B4GALT1: variants seen among roughly 807,000 people sequenced by gnomAD.
B4GALT1 encodes beta-1,4-galactosyltransferase 1.
B4GALT1 carries 16 observed loss-of-function variants against 34.9 expected under a neutral mutation model. The ratio of observed to expected loss-of-function variants is 0.46; its 90% confidence interval spans 0.31 to 0.70. B4GALT1 has a LOEUF of 0.70. Among genes scored for constraint, B4GALT1 ranks in the 30% least tolerant of loss-of-function variants. The pLI, the probability that B4GALT1 is intolerant of heterozygous loss-of-function variation, is 0.05. For missense variants in B4GALT1, 445 were observed against 530.5 expected, an observed-to-expected ratio of 0.84 and a Z score of 1.58; for synonymous variants, 221 against 218.1, an observed-to-expected ratio of 1.01 and a Z score of -0.12.
At chr9:33,160,247 A>AC (rs528219806) in intron 1 of B4GALT1, among the ~76,000 whole-genome samples, 208 of 149,810 alleles carry the variant, frequency 1.4e-3, no homozygotes, top group African/African-American at 4.9e-3. Flanking sequence ...CACAAGCATC[A>AC]CTACATCACT....
chr9:33,127,353 C>T (rs1840128092), intron 2 of B4GALT1, among the ~76,000 whole-genome samples: 1 of 152,226 alleles, frequency 6.6e-6, no homozygotes, highest in Non-Finnish European at 1.5e-5. Flanking sequence ...GGAGACGTGG[C>T]TTTCCGCAGA....
At chr9:33,180,286 G>T in the B4GALT1 span, among the ~76,000 whole-genome samples, 5 of 152,198 alleles carry the variant, frequency 3.3e-5, no homozygotes, top group Non-Finnish European at 4.4e-5. Context: ...GACTACCTGG[G>T]CATTTAGTAG....
rs780658900 is a variant in B4GALT1 at position 33,166,908 on chromosome 9, G to C, written c.262C>G (p.Leu88Val). 2 of 1,578,946 alleles carry C rather than the reference G, an allele frequency of 1.3e-6. No homozygotes were observed. The highest frequency in any genetic ancestry group is 1.7e-6 in the Non-Finnish European group (2 of 1,169,426). Residue 88 changes from leucine (L) to valine (V), a missense_variant, in exon 1 of 6, where the codon CTA becomes GTA. By Grantham distance (32) the Leu-to-Val change is conservative. This residue lies in a region of B4GALT1 where 349 missense variants were observed against 395.5 expected (regional missense o/e 0.88). Transcript: ENST00000379731. ...RTGGARPPPP[L>V]GASSQPRPGG... ...GGGCGCGGCTGGGAGGAGGCGCCTA[G>C]AGGAGGCGGCGGCCGGGCCCCTCCG...
intron 1 of B4GALT1, among the ~76,000 whole-genome samples, chr9:33,145,799 C>T (rs1330922985): frequency 2.0e-5 from 3 of 152,218 alleles, no homozygotes; most frequent in Non-Finnish European, 2.9e-5. Flanking sequence ...GCGCTGTACC[C>T]ACGGGGATTC....
upstream of B4GALT1, among the ~76,000 whole-genome samples, chr9:33,168,432 TC>T (rs1182654163): frequency 2.0e-5 from 3 of 152,204 alleles, no homozygotes; most frequent in Non-Finnish European, 4.4e-5. Flanking sequence ...AGTTGAGGGC[TC>T]TGGCAGCCAA....
chr9:33,155,843 A>G (rs1840587123), intron 1 of B4GALT1, among the ~76,000 whole-genome samples: 1 of 152,200 alleles, frequency 6.6e-6, no homozygotes, highest in Admixed American at 6.5e-5. Flanking sequence ...GAGTACTGAT[A>G]TTACCATATA....
At chr9:33,105,751 G>A (rs746302329), downstream of B4GALT1, among the ~76,000 whole-genome samples, 3 of 151,928 alleles carry the variant, frequency 2.0e-5, no homozygotes, top group Non-Finnish European at 4.4e-5. Context: ...GACTTATTTC[G>A]GTTAGCATAA....
intron 3 of B4GALT1, among the ~76,000 whole-genome samples, chr9:33,118,915 T>G (rs1011282536): frequency 1.3e-5 from 2 of 152,054 alleles, no homozygotes; most frequent in Non-Finnish European, 2.9e-5. Flanking sequence ...AAGTTGAAGT[T>G]CAATGGCGCG....
chr9:33,147,343 G>A (rs1201159154), intron 1 of B4GALT1, among the ~76,000 whole-genome samples: 8 of 148,300 alleles, frequency 5.4e-5, no homozygotes. Context: ...TCCCCCTCAG[G>A]TTCAAGTGAT....
chr9:33,109,622 G>C (rs1839831748), downstream of B4GALT1, among the ~76,000 whole-genome samples: 1 of 152,228 alleles, frequency 6.6e-6, no homozygotes. Context: ...GGGTGACACA[G>C]CAAGGCCCTG....
At chr9:33,153,992 G>T (rs1194781851) in intron 1 of B4GALT1, among the ~76,000 whole-genome samples, 2 of 141,418 alleles carry the variant, frequency 1.4e-5, no homozygotes, top group African/African-American at 5.4e-5. Flanking sequence ...GGAAAAGAAG[G>T]GAGGGGAGGG....
the B4GALT1 span, among the ~76,000 whole-genome samples, chr9:33,185,056 A>G: frequency 1.3e-5 from 2 of 152,172 alleles, no homozygotes; most frequent in Non-Finnish European, 2.9e-5. Context: ...CCATGTTGAT[A>G]CTGCTTGACC....
intron 1 of B4GALT1, among the ~76,000 whole-genome samples, chr9:33,153,406 A>G (rs952615420): frequency 6.6e-6 from 1 of 152,212 alleles, no homozygotes; most frequent in East Asian, 1.9e-4. Flanking sequence ...GAAAAATAAG[A>G]ACAAAGAGAA....
chr9:33,139,020 C>T (rs1454120496), intron 1 of B4GALT1, among the ~76,000 whole-genome samples: 1 of 152,166 alleles, frequency 6.6e-6, no homozygotes, highest in Non-Finnish European at 1.5e-5. Flanking sequence ...GGGCTGTCCA[C>T]AGCATGCTGA....
intron 1 of B4GALT1, among the ~76,000 whole-genome samples, chr9:33,159,388 C>A (rs1192551777): frequency 6.6e-6 from 1 of 152,236 alleles, no homozygotes. Flanking sequence ...CGTCACACTG[C>A]TGACATAATC....
the B4GALT1 span, among the ~76,000 whole-genome samples, chr9:33,183,570 T>C: frequency 2.2e-4 from 26 of 120,224 alleles, no homozygotes; most frequent in African/African-American, 8.0e-4. Context: ...CACTCATAGG[T>C]GGGAATTGAA....
intron 3 of B4GALT1, among the ~76,000 whole-genome samples, chr9:33,118,547 G>C (rs1839974148): frequency 6.6e-6 from 1 of 151,456 alleles, no homozygotes; most frequent in African/African-American, 2.4e-5. Context: ...GCCCACACCT[G>C]TGGTCCCAGC....
intron 2 of B4GALT1, among the ~76,000 whole-genome samples, chr9:33,124,831 T>C (rs1236679281): frequency 6.6e-6 from 1 of 152,194 alleles, no homozygotes; most frequent in African/African-American, 2.4e-5. Context: ...CTAAAAACAT[T>C]TAAGGCTCAA....
intron 1 of B4GALT1, among the ~76,000 whole-genome samples, chr9:33,159,448 CA>C (rs1840644358): frequency 6.6e-6 from 1 of 152,144 alleles, no homozygotes; most frequent in South Asian, 2.1e-4. Context: ...GGCTTTGTGC[CA>C]AATGACCCCG....
Sources: allele counts gnomAD v4.1 joint callset (sites outside exome capture counted in the v4.1 genomes callset), GRCh38; gene constraint gnomAD v4.1.1; regional missense constraint gnomAD v4.1.1; transcripts MANE v1.5; gene names NCBI Gene and HGNC (gene_info 2026-07-23, HGNC 2026-07-21).